Variants in PTPRD observed in about 807,000 individuals in gnomAD.
PTPRD encodes receptor-type tyrosine-protein phosphatase delta.
PTPRD carries 34 observed loss-of-function variants against 214.5 expected under a neutral mutation model. That is an observed-to-expected ratio of 0.16 (90% CI 0.12 to 0.21). The LOEUF (loss-of-function observed/expected upper bound fraction) is 0.21. Ranked by LOEUF, PTPRD falls within the 10% of genes least tolerant of loss-of-function variation. PTPRD has a pLI of 1.00. For missense variants in PTPRD, 2,545 were observed against 2,398.7 expected (o/e 1.06, Z -1.27); for synonymous variants, 1,128 against 845.7 (o/e 1.33, Z -5.79).
intron 12 of PTPRD, among the ~76,000 whole-genome samples, chr9:8,722,942 A>G (rs1384508120): frequency 6.6e-6 from 1 of 152,244 alleles, no homozygotes. Flanking sequence ...CAGTGAGTTT[A>G]TAACTTGATC....
At chr9:9,197,379 G>A (rs547713190) in intron 9 of PTPRD, among the ~76,000 whole-genome samples, 1 of 152,128 alleles carries the variant, frequency 6.6e-6, no homozygotes, top group Admixed American at 6.6e-5. Flanking sequence ...GGAGTGCACT[G>A]ACACTCTAAC....
At chr9:8,574,068 T>C (rs553859498) in intron 14 of PTPRD, among the ~76,000 whole-genome samples, 1 of 152,054 alleles carries the variant, frequency 6.6e-6, no homozygotes, top group East Asian at 1.9e-4. Flanking sequence ...TCATATTCTA[T>C]TATTGCTCCA....
chr9:8,625,716 G>C (rs539930332), intron 14 of PTPRD, among the ~76,000 whole-genome samples: 6 of 151,370 alleles, frequency 4.0e-5, no homozygotes, highest in Non-Finnish European at 7.4e-5. Flanking sequence ...TGTAATGCAT[G>C]GATAAAGTTT....
intron 2 of PTPRD, among the ~76,000 whole-genome samples, chr9:10,429,970 C>G (rs558961584): frequency 2.8e-4 from 43 of 152,014 alleles, no homozygotes; most frequent in African/African-American, 9.9e-4. Context: ...ACCCTATTCC[C>G]TATGCCACTG....
chr9:9,489,472 A>G (rs2095808076), intron 8 of PTPRD, among the ~76,000 whole-genome samples: 1 of 152,164 alleles, frequency 6.6e-6, no homozygotes, highest in South Asian at 2.1e-4. Flanking sequence ...CTTTATAACA[A>G]AGTCTTAAAC....
chr9:10,413,660 G>A (rs1434893893), intron 2 of PTPRD, among the ~76,000 whole-genome samples: 5 of 151,664 alleles, frequency 3.3e-5, no homozygotes, highest in East Asian at 1.9e-4. Flanking sequence ...AGGCAATCTC[G>A]AGCAAAAAGA....
At chr9:8,900,147 T>C (rs1042140108) in intron 11 of PTPRD, among the ~76,000 whole-genome samples, 1 of 152,182 alleles carries the variant, frequency 6.6e-6, no homozygotes, top group Non-Finnish European at 1.5e-5. Flanking sequence ...ACATACTATA[T>C]AAATAATTTG....
At position 8,948,451 on chromosome 9, in the gene PTPRD, A is replaced by T. The variant is rs923721483; in HGVS notation, c.-104+70246T>A. Among the ~76,000 whole-genome samples the T allele has an allele frequency of 9.3e-4, 14 of 15,112 alleles. 2 individuals are homozygous for T. The highest frequency in any genetic ancestry group is 2.2e-3 in the Non-Finnish European group (13 of 6,046). 9.9% of individuals were successfully genotyped at this position (15,112 alleles called of 152,430 possible). A position where few individuals can be genotyped will look rare whatever the true frequency, so the allele number is the denominator to read the frequency against. On this transcript the variant is annotated intron_variant, in intron 11 of 45. Transcript: ENST00000381196. ...TATATATATATTTACATATATATAT[A>T]TTTATATATATATTTACATATATAT...
chr9:8,996,806 T>C (rs776225126), intron 11 of PTPRD, among the ~76,000 whole-genome samples: 6 of 152,062 alleles, frequency 3.9e-5, no homozygotes, highest in Non-Finnish European at 7.4e-5. Flanking sequence ...TTAATACTTT[T>C]ACTTAATACT....
rs144598939 is a variant in PTPRD at position 10,396,072 on chromosome 9, C to T, written c.-599-55055G>A. Among the ~76,000 whole-genome samples, 497 of 151,934 alleles carry T rather than the reference C, an allele frequency of 3.3e-3. 5 individuals carry two copies. Among genetic ancestry groups the T allele is most frequent in the African/African-American group, 0.011 (472 of 41,494 alleles). Reference sequence around the variant, plus strand: ...GAACGTTCCAGTTTTCAGTTCCAATCCTTCGTGAGCCTGAATGCATCCCTG... The same window carrying T: ...GAACGTTCCAGTTTTCAGTTCCAATTCTTCGTGAGCCTGAATGCATCCCTG... On this transcript the variant is annotated intron_variant, in intron 2 of 45. Transcript: ENST00000381196.
chr9:10,414,317 G>C (rs1016701189), intron 2 of PTPRD, among the ~76,000 whole-genome samples: 22 of 151,772 alleles, frequency 1.4e-4, no homozygotes, highest in African/African-American at 5.1e-4. Flanking sequence ...ACATACATGA[G>C]GCCAACAAGC....
intron 4 of PTPRD, among the ~76,000 whole-genome samples, chr9:9,987,847 A>G (rs1406717065): frequency 3.4e-4 from 52 of 152,200 alleles, no homozygotes; most frequent in Admixed American, 3.4e-3. Context: ...GATGAAGACA[A>G]CTAGTTCATT....
At chr9:9,311,289 C>T (rs575371822) in intron 9 of PTPRD, among the ~76,000 whole-genome samples, 12 of 152,220 alleles carry the variant, frequency 7.9e-5, no homozygotes, top group South Asian at 4.2e-4. Context: ...CCATGTCAAA[C>T]ACAAAATCAT....
intron 7 of PTPRD, among the ~76,000 whole-genome samples, chr9:9,580,544 T>A (rs1403513561): frequency 6.9e-6 from 1 of 145,208 alleles, no homozygotes. Flanking sequence ...CTTACTTTAT[T>A]TTCTTTTTTT....
intron 35 of PTPRD, among the ~76,000 whole-genome samples, chr9:8,421,598 G>A (rs1189136459): frequency 2.0e-5 from 3 of 152,076 alleles, no homozygotes; most frequent in Admixed American, 6.6e-5. Flanking sequence ...ACAGTGACAG[G>A]CACCTGTATC....
At chr9:8,498,406 G>A (rs1489003985) in intron 25 of PTPRD, among the ~76,000 whole-genome samples, 2 of 152,128 alleles carry the variant, frequency 1.3e-5, no homozygotes, top group Non-Finnish European at 2.9e-5. Context: ...CTCCCTAGTA[G>A]CTGGGACCAC....
intron 5 of PTPRD, among the ~76,000 whole-genome samples, chr9:9,919,580 A>G (rs1463578835): frequency 6.6e-6 from 1 of 152,210 alleles, no homozygotes; most frequent in Admixed American, 6.5e-5. Flanking sequence ...CTCCCCTATC[A>G]GCACAAATGA....
chr9:9,007,816 C>T (rs2099486342), intron 11 of PTPRD, among the ~76,000 whole-genome samples: 1 of 144,936 alleles, frequency 6.9e-6, no homozygotes, highest in South Asian at 2.2e-4. Context: ...TTTTTTACAC[C>T]ATAAATATAT....
chr9:9,833,637 T>C (rs1254659704), intron 5 of PTPRD, among the ~76,000 whole-genome samples: 1 of 99,238 alleles, frequency 1.0e-5, no homozygotes, highest in African/African-American at 4.7e-5. Flanking sequence ...CTGGAGTTTA[T>C]TTCACCTCTG....
Sources: gnomAD v4.1 joint callset for allele counts (sites outside exome capture counted in the v4.1 genomes callset) on GRCh38, gnomAD v4.1.1 for gene constraint, MANE v1.5 for transcripts, NCBI Gene and HGNC (gene_info 2026-07-23, HGNC 2026-07-21) for gene names.